Variants in ZNF160 observed in about 807,000 individuals in gnomAD.
ZNF160 encodes the protein KRAB zinc finger protein KR18.
Under a neutral mutation model 13.1 loss-of-function variants are expected in ZNF160, and 9 were observed. The ratio of observed to expected loss-of-function variants is 0.69; its 90% CI spans 0.41 to 1.20. The LOEUF (loss-of-function observed/expected upper bound fraction) is 1.20, where lower values mean the gene tolerates loss of function less well. ZNF160 is among the 50% of genes most tolerant of loss of function. The pLI, the probability that ZNF160 is intolerant of heterozygous loss-of-function variation, is 0.01. For synonymous variants in ZNF160, 293 were observed against 333.2 expected (o/e 0.88, Z 1.31); for missense variants, 838 against 988.0 (o/e 0.85, Z 2.04).
At chr19:53,072,233 C>G (rs1054920219) in intron 5 of ZNF160, among the ~76,000 whole-genome samples, 2 of 152,004 alleles carry the variant, frequency 1.3e-5, no homozygotes, top group Non-Finnish European at 2.9e-5. Context: ...TCCCGAATAG[C>G]TGGGACTGCA....
At chr19:53,084,521 C>T (rs922390865) in intron 3 of ZNF160, among the ~76,000 whole-genome samples, 2 of 152,106 alleles carry the variant, frequency 1.3e-5, no homozygotes, top group Non-Finnish European at 1.5e-5. Context: ...AGGGTGAGAC[C>T]CTGTCTCAAA....
At position 53,089,178 on chromosome 19, in the gene ZNF160, C is replaced by T. The variant is rs549319984; in HGVS notation, c.-46+2235G>A. On this transcript the variant is annotated intron_variant, in intron 2 of 5. Coordinates refer to ENST00000683776, the MANE Select transcript of ZNF160 (RefSeq NM_001322131.2). ...CAGGTCCCAACCTGCAACTTGTGAC[C>T]GGCATTTGAAGTGGGGGTAGCCCTG... is the stretch of plus-strand genomic sequence containing the variant. Among the ~76,000 whole-genome samples, 94 of 152,226 alleles carry T rather than the reference C, an allele frequency of 6.2e-4. 1 individual carries two copies. Among genetic ancestry groups the T allele is most frequent in the Admixed American group, 1.5e-3 (23 of 15,290 alleles).
Position 53,074,125 on chromosome 19 carries a change from C to A in ZNF160, c.271+15G>T. The A allele has an allele frequency of 6.2e-7, 1 of 1,612,956 alleles. No homozygotes were observed. ...GTTAATGAGTGGCCTTCTCTCTGCC[C>A]ATCTGAGCTCTTACCTGTGACCACG... On this transcript the variant is annotated intron_variant, in intron 5 of 5. Coordinates refer to ENST00000683776, the MANE Select transcript of ZNF160 (RefSeq NM_001322131.2).
In ZNF160 at chr19:53,068,171, C is replaced by T. The variant is rs187006418; in HGVS notation, c.2363G>A (p.Arg788His). 3.3e-5 allele frequency: 54 copies of T among 1,613,640 alleles called. No homozygotes were observed. Among genetic ancestry groups the T allele is most frequent in the East Asian group, 3.1e-4 (14 of 44,824 alleles). Residue 788 changes from arginine (R) to histidine (H), a missense_variant, in exon 6 of 6, where the codon CGT becomes CAT. Transcript: ENST00000683776. ...CTTGCCACACTCATTACATTTGTAA[C>T]GCTTTTCTCCAGTGTGGATTGCCAT... ...THMAIHTGEK[R>H]YKCNECGKVF...
chr19:53,092,559 C>G (rs1387036543), intron 1 of ZNF160, among the ~76,000 whole-genome samples: 1 of 152,236 alleles, frequency 6.6e-6, no homozygotes, highest in Non-Finnish European at 1.5e-5. Flanking sequence ...AGTGATCCAC[C>G]TGCTTTGGCC....
intron 3 of ZNF160, among the ~76,000 whole-genome samples, chr19:53,078,148 A>G (rs1365854136): frequency 6.6e-6 from 1 of 151,856 alleles, no homozygotes; most frequent in Admixed American, 6.6e-5. Flanking sequence ...GCTGAGGCAG[A>G]AGAATCGCTT....
At chr19:53,071,679 A>C (rs937293194) in intron 5 of ZNF160, among the ~76,000 whole-genome samples, 1 of 152,042 alleles carries the variant, frequency 6.6e-6, no homozygotes, top group Non-Finnish European at 1.5e-5. Context: ...AAATAAAAAA[A>C]AAATCGGGCA....
At position 53,074,216 on chromosome 19, in the gene ZNF160, C is replaced by T. The variant is rs567895175; in HGVS notation, c.195G>A (p.Glu65=). 16 of 1,614,164 alleles carry T rather than the reference C, an allele frequency of 9.9e-6. No homozygotes were observed. The East Asian group carries it at 3.3e-4, about 34-fold the overall frequency. Residue 65 remains glutamate, a synonymous_variant, in exon 5 of 6, where the codon GAG becomes GAA. Transcript: ENST00000683776. The part of the protein sequence containing the change: ...NIISMLEEGK[E]PWTVKSCVKI... ...TCACACAGCTCTTCACAGTCCAGGG[C>T]TCTTTCCCTTCCTCCAACATGGAGA...
chr19:53,091,891 G>A (rs1426723428), intron 1 of ZNF160, among the ~76,000 whole-genome samples, 171 bp from the exon 2 acceptor site: 3 of 152,160 alleles, frequency 2.0e-5, no homozygotes, highest in Non-Finnish European at 4.4e-5. Context: ...CGTCAACCTC[G>A]GTTCCAGAGC....
Position 53,073,608 on chromosome 19 carries a change from G to A in ZNF160, c.271+532C>T, listed in dbSNP as rs1014586993. The stretch of plus-strand genomic sequence containing the variant: ...CTCTGACCCATATGGACTAAGAACT[G>A]AGCACCATATGGAATTAAATACAGA... On this transcript the variant is annotated intron_variant, in intron 5 of 5. Transcript: ENST00000683776. 7.1e-6 allele frequency: 10 copies of A among 1,403,342 alleles called. No individual in the cohort carries two copies. In the Admixed American group the frequency reaches 8.6e-5, roughly 12 times the overall value. The allele number at this position is 1,403,342 out of a possible 1,614,324, so 86.9% of individuals were successfully genotyped here. A position where few individuals can be genotyped will look rare whatever the true frequency, so the allele number is the denominator to read the frequency against.
chr19:53,070,262 TC>T lies in ZNF160; in HGVS notation c.272-1del. 6.4e-7 allele frequency: 1 copy of T among 1,567,392 alleles called. No individual in the cohort carries two copies. Among genetic ancestry groups the T allele is most frequent in the Non-Finnish European group, 8.6e-7 (1 of 1,161,880 alleles). On this transcript the variant is annotated splice_acceptor_variant, in intron 5 of 5. Coordinates refer to ENST00000683776, the MANE Select transcript of ZNF160 (RefSeq NM_001322131.2). LOFTEE classifies it high-confidence loss of function. ...CTTGATTGTACATTTAGGAGGGATA[TC>T]TACAAGATATAAAGAACCACATAAT...
intron 2 of ZNF160, among the ~76,000 whole-genome samples, chr19:53,089,070 C>T (rs1213150847): frequency 2.0e-5 from 3 of 152,160 alleles, no homozygotes; most frequent in Non-Finnish European, 2.9e-5. Context: ...GTCCTGAGTT[C>T]GGTGAATGAC....
In ZNF160 at chr19:53,067,909, C is replaced by T; in HGVS notation, c.*168G>A. 2 of 939,892 alleles carry T rather than the reference C, an allele frequency of 2.1e-6. No homozygotes were observed. Among genetic ancestry groups the T allele is most frequent in the Non-Finnish European group, 3.1e-6 (2 of 648,912 alleles). The allele number at this position is 939,892 out of a possible 1,614,324, so 58.2% of individuals were successfully genotyped here. On this transcript the variant is annotated 3_prime_UTR_variant, in exon 6 of 6. Coordinates refer to ENST00000683776, the MANE Select transcript of ZNF160 (RefSeq NM_001322131.2). Reference sequence around the variant, plus strand: ...AGTAACCTGCGAGGCCTGGATAGACCCTCTGCCACATATGTTTACATGATG... The same window carrying T: ...AGTAACCTGCGAGGCCTGGATAGACTCTCTGCCACATATGTTTACATGATG...
chr19:53,094,209 C>T (rs1014290794), intron 1 of ZNF160, among the ~76,000 whole-genome samples: 2 of 152,120 alleles, frequency 1.3e-5, no homozygotes, highest in Admixed American at 6.5e-5. Context: ...GAATGGTTGG[C>T]GACCTAAATT....
intron 3 of ZNF160, among the ~76,000 whole-genome samples, chr19:53,080,878 T>C (rs954646438): frequency 7.2e-5 from 11 of 151,994 alleles, no homozygotes; most frequent in African/African-American, 2.4e-4. Context: ...CAGACACATA[T>C]ACCAATGGAA....
chr19:53,086,184 T>C, intron 3 of ZNF160, 78 bp downstream of exon 3: 3 of 1,488,102 alleles, frequency 2.0e-6, no homozygotes, highest in Non-Finnish European at 2.8e-6. Flanking sequence ...CGCTTCAGAC[T>C]CAGAGAAGAT....
At chr19:53,100,660 G>A (rs1206245916) in intron 1 of ZNF160, among the ~76,000 whole-genome samples, 3 of 150,420 alleles carry the variant, frequency 2.0e-5, no homozygotes, top group Admixed American at 6.6e-5. Context: ...AAAAAAAAGC[G>A]TCACTGATAT....
intron 2 of ZNF160, among the ~76,000 whole-genome samples, chr19:53,087,517 T>C (rs950770233): frequency 3.3e-5 from 5 of 152,122 alleles, no homozygotes; most frequent in African/African-American, 1.2e-4. Context: ...GTGAATATGT[T>C]TGGAGGAGTT....
rs552796531 is a variant in ZNF160 at position 53,087,612 on chromosome 19, G to A, written c.-45-1291C>T. On this transcript the variant is annotated intron_variant, in intron 2 of 5. Transcript: ENST00000683776. The stretch of plus-strand genomic sequence containing the variant: ...GTTGCCCAGGCTGGAGTGCAGTAGC[G>A]TGATCTCGGCTCACTGCAGCCTCCG... Among the ~76,000 whole-genome samples, 8 of 152,214 alleles carry A rather than the reference G, an allele frequency of 5.3e-5. No individual in the cohort carries two copies. In the South Asian group the frequency reaches 1.5e-3, roughly 28 times the overall value.
Sources: allele counts gnomAD v4.1 joint callset (sites outside exome capture counted in the v4.1 genomes callset), GRCh38; gene constraint gnomAD v4.1.1; transcripts MANE v1.5; gene names NCBI Gene and HGNC (gene_info 2026-07-23, HGNC 2026-07-21).